PARP1: variants seen among roughly 807,000 people sequenced by gnomAD.
PARP1 encodes the protein poly(ADP-ribose) polymerase 1, also known as poly [ADP-ribose] polymerase 1.
In PARP1, 44 loss-of-function variants were observed where a neutral mutation model predicts 118.7. That is an observed-to-expected ratio of 0.37 (90% confidence interval 0.29 to 0.48). The LOEUF (loss-of-function observed/expected upper bound fraction) is 0.48. Among genes scored for constraint, PARP1 ranks in the 20% least tolerant of loss-of-function variants. The pLI, the probability that PARP1 is intolerant of heterozygous loss-of-function variation, is 0.99. For synonymous variants in PARP1, 492 were observed against 483.2 expected (o/e 1.02, Z -0.24); for missense variants, 1,100 against 1,272.4 (o/e 0.86, Z 2.06).
chr1:226,396,501 A>G (rs186038981), intron 2 of PARP1, among the ~76,000 whole-genome samples: 1 of 152,240 alleles, frequency 6.6e-6, no homozygotes, highest in Admixed American at 6.5e-5. Context: ...CACACTCACA[A>G]GCAAATTAGT....
At chr1:226,365,472 A>G (rs979738612) in intron 18 of PARP1, among the ~76,000 whole-genome samples, 4 of 152,242 alleles carry the variant, frequency 2.6e-5, no homozygotes, top group Non-Finnish European at 5.9e-5. Context: ...CAGAATAAAA[A>G]GCCATCCCCA....
chr1:226,398,413 C>T (rs144816137), intron 2 of PARP1, among the ~76,000 whole-genome samples: 32 of 151,772 alleles, frequency 2.1e-4, no homozygotes, highest in Admixed American at 1.5e-3. Flanking sequence ...CATGGTGGTG[C>T]GCACCTGTAG....
chr1:226,371,918 G>C (rs1473829254), intron 14 of PARP1, among the ~76,000 whole-genome samples: 1 of 152,230 alleles, frequency 6.6e-6, no homozygotes, highest in African/African-American at 2.4e-5. Flanking sequence ...CTCACTACTG[G>C]AAAAGAAACT....
chr1:226,400,503 C>T (rs1180103680), intron 2 of PARP1, among the ~76,000 whole-genome samples: 1 of 152,164 alleles, frequency 6.6e-6, no homozygotes. Context: ...CATCTGTATC[C>T]CCAGGGTGGG....
rs371308356 is a variant in PARP1, at chr1:226,402,387, G to A, written c.121-8C>T. On this transcript the variant is annotated splice_polypyrimidine_tract_variant and splice_region_variant and intron_variant, in intron 1 of 22. Transcript: ENST00000366794. ...TCCATCAAACATGGGCGACTAGAAG[G>A]AAGAGAAACAGAGGGAAGTAAGTAA... The A allele has an allele frequency of 1.7e-5, 27 of 1,611,620 alleles. No individual in the cohort carries two copies. The African/African-American group carries it at 2.8e-4, about 17-fold the overall frequency.
intron 2 of PARP1, chr1:226,392,737 A>G (rs1239433569): frequency 5.3e-6 from 3 of 568,100 alleles, no homozygotes; most frequent in Admixed American, 3.6e-5. Flanking sequence ...ATATTTTGAT[A>G]TAAGTCAGAC....
At chr1:226,401,356 G>A (rs908974107) in intron 2 of PARP1, among the ~76,000 whole-genome samples, 4 of 152,240 alleles carry the variant, frequency 2.6e-5, no homozygotes, top group African/African-American at 7.2e-5. Context: ...CTACCCCACA[G>A]GCACTGTGCT....
At chr1:226,401,976 A>C in intron 2 of PARP1, 1 of 1,452,784 alleles carries the variant, frequency 6.9e-7, no homozygotes, top group Non-Finnish European at 9.1e-7. Context: ...TATATTAAAA[A>C]CAAAACAACT....
At chr1:226,372,419 C>T (rs1664404478) in intron 14 of PARP1, among the ~76,000 whole-genome samples, 1 of 152,224 alleles carries the variant, frequency 6.6e-6, no homozygotes, top group African/African-American at 2.4e-5. Flanking sequence ...TGCCTGTAAT[C>T]CCAGCACTTT....
In PARP1 at chr1:226,366,037, A is replaced by C. The variant is rs1278233281; in HGVS notation, c.2422T>G (p.Ser808Ala). 8.7e-6 allele frequency: 14 copies of C among 1,611,792 alleles called. No homozygotes were observed. The highest frequency in any genetic ancestry group is 1.3e-5 in the African/African-American group (1 of 74,864). ...TTCCTGATGATCTCGGCTTCTTCAG[A>C]ATCTCTGTCAACCACCTGGATAAAC... The part of the protein sequence containing the change: ...KTDIKVVDRD[S>A]EEAEIIRKYV... The change falls in exon 18 of 23, where the codon TCT becomes GCT. Residue 808 changes from serine (S) to alanine (A), a missense_variant. Physicochemically the swap from Ser to Ala is moderately conservative, Grantham distance 99. Coordinates refer to ENST00000366794, the MANE Select transcript of PARP1 (RefSeq NM_001618.4).
intron 14 of PARP1, among the ~76,000 whole-genome samples, chr1:226,372,739 TGG>T (rs1664412728): frequency 2.0e-5 from 3 of 152,104 alleles, no homozygotes; most frequent in Admixed American, 2.0e-4. Context: ...GGAAAGGACT[TGG>T]GTTTGAGAAT....
intron 19 of PARP1, among the ~76,000 whole-genome samples, chr1:226,364,768 C>T (rs926927809): frequency 2.6e-5 from 4 of 152,268 alleles, no homozygotes; most frequent in Non-Finnish European, 5.9e-5. Context: ...CTTGTCAACA[C>T]ACCCGATTAG....
At chr1:226,387,903 T>C (rs1664746476) in intron 5 of PARP1, among the ~76,000 whole-genome samples, 1 of 152,310 alleles carries the variant, frequency 6.6e-6, no homozygotes, top group South Asian at 2.1e-4. Flanking sequence ...TTGAACAAAA[T>C]GTGTGATTCT....
chr1:226,368,082 A>G, intron 16 of PARP1, 117 bp downstream of exon 16: 1 of 1,398,058 alleles, frequency 7.2e-7, no homozygotes, highest in Non-Finnish European at 1.0e-6. Flanking sequence ...CAAGGGCAAG[A>G]GGGTGGCCCT....
Position 226,380,184 on chromosome 1 carries a change from A to G in PARP1, c.1301-20T>C. On this transcript the variant is annotated intron_variant, in intron 9 of 22. Transcript: ENST00000366794. Reference sequence around the variant, plus strand: ...CCTCCTCTGTTCAAATTGAAAGGAAAAAAAACCAAAATACAAGTTTAAAAC... The same window carrying G: ...CCTCCTCTGTTCAAATTGAAAGGAAGAAAAACCAAAATACAAGTTTAAAAC... 2 of 1,613,206 alleles carry G rather than the reference A, an allele frequency of 1.2e-6. No homozygotes were observed. Among genetic ancestry groups the G allele is most frequent in the Non-Finnish European group, 1.7e-6 (2 of 1,179,376 alleles).
intron 2 of PARP1, chr1:226,392,963 C>A: frequency 6.4e-7 from 1 of 1,571,190 alleles, no homozygotes; most frequent in Admixed American, 2.1e-5. Context: ...ACTTCTATTC[C>A]ACATGGTATT....
In PARP1 at chr1:226,405,589, C is replaced by G. The variant is rs918552417; in HGVS notation, c.120+2221G>C. Among the ~76,000 whole-genome samples the G allele has an allele frequency of 2.6e-5, 4 of 152,174 alleles. No individual in the cohort carries two copies. In the South Asian group the frequency reaches 8.3e-4, roughly 32 times the overall value. On this transcript the variant is annotated intron_variant, in intron 1 of 22. Coordinates refer to ENST00000366794, the MANE Select transcript of PARP1 (RefSeq NM_001618.4). ...CCAAAGTGCTGAGATTACAAGCATG[C>G]GCCACCAAGCCCGGCCCCAGAATGC...
At chr1:226,375,636 A>C (rs1664472878) in intron 13 of PARP1, among the ~76,000 whole-genome samples, 1 of 152,238 alleles carries the variant, frequency 6.6e-6, no homozygotes, top group African/African-American at 2.4e-5. Flanking sequence ...TTTTCTCATT[A>C]ATAATTTTAT....
At position 226,390,524 on chromosome 1, in the gene PARP1, T is replaced by C; in HGVS notation, c.503A>G (p.Glu168Gly). The C allele has an allele frequency of 6.2e-7, 1 of 1,614,180 alleles. No homozygotes were observed. Among genetic ancestry groups the C allele is most frequent in the Non-Finnish European group, 8.5e-7 (1 of 1,180,038 alleles). The change falls in exon 4 of 23, where the codon GAG becomes GGG. Residue 168 changes from glutamate to glycine, a missense_variant. By Grantham distance (98) the Glu-to-Gly change is moderately conservative. Transcript: ENST00000366794. ...GTACTCGGGCCGGAAACCCAGCTCC[T>C]CCCTGTTCTTGACAAAGCAGCCTGG... Reference protein sequence around the residue: ...YHPGCFVKNREELGFRPEYSA... With the variant: ...YHPGCFVKNRGELGFRPEYSA...
Sources: allele counts gnomAD v4.1 joint callset (sites outside exome capture counted in the v4.1 genomes callset), GRCh38; gene constraint gnomAD v4.1.1; transcripts MANE v1.5; gene names NCBI Gene and HGNC (gene_info 2026-07-23, HGNC 2026-07-21).